The following MALRD1 variants were observed in gnomAD, a reference collection of about 807,000 sequenced individuals.
The protein encoded by MALRD1 is MAM and LDL-receptor class A domain-containing protein 1.
Under a neutral mutation model 242.1 loss-of-function variants are expected in MALRD1, and 247 were observed. The observed-to-expected ratio is 1.02, with a 90% confidence interval of 0.92 to 1.13. The LOEUF (loss-of-function observed/expected upper bound fraction) is 1.13. MALRD1 is among the 50% of genes most tolerant of loss of function. The pLI, the probability that MALRD1 is intolerant of heterozygous loss-of-function variation, is 0.00. For synonymous variants in MALRD1, 995 were observed against 866.6 expected (o/e 1.15, Z -2.60); for missense variants, 2,989 against 2,533.1 (o/e 1.18, Z -3.86).
chr10:19,059,379 T>A (rs1834756213), intron 1 of MALRD1, among the ~76,000 whole-genome samples: 1 of 152,062 alleles, frequency 6.6e-6, no homozygotes, highest in African/African-American at 2.4e-5. Context: ...TAGCATCTAT[T>A]GTTTTTGGGG....
intron 28 of MALRD1, among the ~76,000 whole-genome samples, chr10:19,409,054 G>A (rs558381920): frequency 6.6e-6 from 1 of 152,256 alleles, no homozygotes; most frequent in East Asian, 1.9e-4. Context: ...AACATTCTTT[G>A]TAACAGCCAA....
At chr10:19,233,465 G>C (rs1162954330) in intron 18 of MALRD1, among the ~76,000 whole-genome samples, 1 of 152,088 alleles carries the variant, frequency 6.6e-6, no homozygotes, top group Non-Finnish European at 1.5e-5. Flanking sequence ...TCATGCCATT[G>C]TACTCCAGCC....
chr10:19,683,134 G>GAAA (rs66998023), intron 36 of MALRD1, among the ~76,000 whole-genome samples: 2 of 150,852 alleles, frequency 1.3e-5, no homozygotes, highest in Non-Finnish European at 3.0e-5. Flanking sequence ...ATCTCTACCG[G>GAAA]AAAAAAAAAA....
chr10:19,574,467 A>G (rs774305004), intron 33 of MALRD1, among the ~76,000 whole-genome samples: 14 of 152,180 alleles, frequency 9.2e-5, no homozygotes, highest in Non-Finnish European at 2.1e-4. Flanking sequence ...GTTGTTCTCA[A>G]TTTCATGTGT....
At chr10:19,435,303 T>G (rs1834309845) in intron 28 of MALRD1, among the ~76,000 whole-genome samples, 1 of 152,072 alleles carries the variant, frequency 6.6e-6, no homozygotes, top group Admixed American at 6.6e-5. Flanking sequence ...TCCCCTGTTA[T>G]TAACATCTTA....
At chr10:19,675,960 T>C (rs1003507875) in intron 36 of MALRD1, among the ~76,000 whole-genome samples, 3 of 152,122 alleles carry the variant, frequency 2.0e-5, no homozygotes, top group African/African-American at 4.8e-5. Flanking sequence ...CAGAGATAAA[T>C]GATAATTGGT....
chr10:19,316,000 C>T (rs937721650), intron 21 of MALRD1, among the ~76,000 whole-genome samples: 1 of 150,258 alleles, frequency 6.7e-6, no homozygotes, highest in Non-Finnish European at 1.5e-5. Flanking sequence ...GGGTTCATGC[C>T]TTTACTTAAA....
At chr10:19,125,697 C>G in intron 7 of MALRD1, among the ~76,000 whole-genome samples, 1 of 151,644 alleles carries the variant, frequency 6.6e-6, no homozygotes, top group Admixed American at 6.6e-5. Context: ...ACCTAAAGTG[C>G]TCTACTATTT....
At chr10:19,256,059 G>A (rs1839495655) in intron 18 of MALRD1, among the ~76,000 whole-genome samples, 1 of 152,038 alleles carries the variant, frequency 6.6e-6, no homozygotes, top group Admixed American at 6.6e-5. Context: ...ATGTACAACA[G>A]CTTCACTCTC....
At chr10:19,158,248 T>C (rs1834250961) in intron 12 of MALRD1, among the ~76,000 whole-genome samples, 1 of 152,260 alleles carries the variant, frequency 6.6e-6, no homozygotes, top group Non-Finnish European at 1.5e-5. Flanking sequence ...GACTTCACAA[T>C]TAAATACAGG....
chr10:19,727,399 A>T (rs1380935082), intron 38 of MALRD1, among the ~76,000 whole-genome samples: 2 of 152,210 alleles, frequency 1.3e-5, no homozygotes, highest in East Asian at 3.8e-4. Context: ...TTCCATTAGA[A>T]GTATAAATAT....
intron 26 of MALRD1, among the ~76,000 whole-genome samples, chr10:19,359,296 T>G (rs536296648): frequency 6.6e-6 from 1 of 152,286 alleles, no homozygotes; most frequent in South Asian, 2.1e-4. Flanking sequence ...TTGCTTTTGG[T>G]TTTTGACTAA....
At chr10:19,323,271 T>A (rs969420686) in intron 21 of MALRD1, among the ~76,000 whole-genome samples, 3 of 152,120 alleles carry the variant, frequency 2.0e-5, no homozygotes, top group Non-Finnish European at 4.4e-5. Context: ...GTTTTCCCCT[T>A]CCTTTTATGT....
chr10:19,423,891 C>G (rs968852856), intron 28 of MALRD1, among the ~76,000 whole-genome samples: 2 of 152,232 alleles, frequency 1.3e-5, no homozygotes, highest in Admixed American at 6.5e-5. Flanking sequence ...TAGGAAGAGG[C>G]TGACTCAAAT....
intron 38 of MALRD1, among the ~76,000 whole-genome samples, chr10:19,727,429 G>C (rs1835083204): frequency 6.6e-6 from 1 of 152,052 alleles, no homozygotes; most frequent in Non-Finnish European, 1.5e-5. Flanking sequence ...ATTAAAATTG[G>C]AAACTGCCAT....
chr10:19,613,216 G>GA (rs1838983649), intron 35 of MALRD1, among the ~76,000 whole-genome samples: 3 of 151,838 alleles, frequency 2.0e-5, no homozygotes, highest in Non-Finnish European at 4.4e-5. Flanking sequence ...AAAAGGCAGA[G>GA]AAAAAAATCT....
At chr10:19,575,186 C>A (rs999141106) in intron 33 of MALRD1, among the ~76,000 whole-genome samples, 2 of 152,254 alleles carry the variant, frequency 1.3e-5, no homozygotes, top group African/African-American at 4.8e-5. Context: ...ATGGCAAATG[C>A]AATACTCATG....
At chr10:19,294,110 TAATAA>T (rs1841578692) in intron 21 of MALRD1, among the ~76,000 whole-genome samples, 1 of 152,180 alleles carries the variant, frequency 6.6e-6, no homozygotes, top group African/African-American at 2.4e-5. Context: ...TTTTGACTAA[TAATAA>T]AATAATAACT....
chr10:19,224,626 A>G (rs1837708691), intron 18 of MALRD1, among the ~76,000 whole-genome samples: 1 of 152,150 alleles, frequency 6.6e-6, no homozygotes, highest in Non-Finnish European at 1.5e-5. Flanking sequence ...TATTGGCCGC[A>G]TAAATGTCTT....
Sources: allele counts gnomAD v4.1 joint callset (sites outside exome capture counted in the v4.1 genomes callset), GRCh38; gene constraint gnomAD v4.1.1; transcripts MANE v1.5; gene names NCBI Gene and HGNC (gene_info 2026-07-23, HGNC 2026-07-21).